SLIT2: variants seen among roughly 807,000 people sequenced by gnomAD.
The protein encoded by SLIT2 is slit guidance ligand 2, also known as slit homolog 2 protein.
SLIT2 carries 41 observed loss-of-function variants against 185.7 expected under a neutral mutation model. The ratio of observed to expected loss-of-function variants is 0.22; its 90% confidence interval spans 0.17 to 0.29. SLIT2 has a LOEUF of 0.29. SLIT2 is among the 10% of genes least tolerant of loss of function. SLIT2 has a pLI of 1.00. For synonymous variants in SLIT2, 693 were observed against 680.2 expected (o/e 1.02, Z -0.29); for missense variants, 1,571 against 1,909.0 (o/e 0.82, Z 3.30).
At chr4:20,365,864 A>G (rs1407388823) in intron 4 of SLIT2, among the ~76,000 whole-genome samples, 1 of 152,030 alleles carries the variant, frequency 6.6e-6, no homozygotes, top group Non-Finnish European at 1.5e-5. Flanking sequence ...TTATTTTCCT[A>G]TGGGATATCA....
chr4:20,307,682 A>G (rs1340452414), intron 4 of SLIT2, among the ~76,000 whole-genome samples: 1 of 152,210 alleles, frequency 6.6e-6, no homozygotes, highest in Non-Finnish European at 1.5e-5. Context: ...AGGACAGGAA[A>G]CTAGTATTTA....
At chr4:20,367,220 G>T (rs1220178168) in intron 4 of SLIT2, among the ~76,000 whole-genome samples, 1 of 152,130 alleles carries the variant, frequency 6.6e-6, no homozygotes, top group South Asian at 2.1e-4. Flanking sequence ...TCAGAAAATA[G>T]TTATTGCTTG....
At chr4:20,307,191 CTTCT>C (rs1485814310) in intron 4 of SLIT2, among the ~76,000 whole-genome samples, 6,765 of 121,304 alleles carry the variant, frequency 0.056, 403 homozygotes, top group African/African-American at 0.089. Context: ...TCCTTCCTTC[CTTCT>C]TTCCCTGACT....
chr4:20,437,648 C>T (rs187377797), intron 4 of SLIT2, among the ~76,000 whole-genome samples: 40 of 151,924 alleles, frequency 2.6e-4, no homozygotes, highest in African/African-American at 2.9e-4. Flanking sequence ...CGTGGTGGCT[C>T]ATGCCTGTAA....
intron 4 of SLIT2, among the ~76,000 whole-genome samples, chr4:20,279,205 T>A (rs1480380814): frequency 6.6e-6 from 1 of 152,234 alleles, no homozygotes; most frequent in Non-Finnish European, 1.5e-5. Context: ...AGAAATACTC[T>A]GTATTGTACT....
chr4:20,381,853 C>A (rs1041192987), intron 4 of SLIT2, among the ~76,000 whole-genome samples: 1 of 151,480 alleles, frequency 6.6e-6, no homozygotes, highest in Admixed American at 6.6e-5. Context: ...CAGAAAAATT[C>A]ATAACAAAAA....
intron 4 of SLIT2, among the ~76,000 whole-genome samples, chr4:20,331,483 G>C (rs1041161305): frequency 6.6e-6 from 1 of 151,990 alleles, no homozygotes; most frequent in African/African-American, 2.4e-5. Context: ...AAATACATTT[G>C]TTTTCAAATA....
intron 25 of SLIT2, among the ~76,000 whole-genome samples, chr4:20,553,292 A>G (rs144740851): frequency 3.3e-5 from 5 of 152,192 alleles, no homozygotes; most frequent in African/African-American, 4.8e-5. Flanking sequence ...GTTCACCATC[A>G]TCTTGTAAAT....
intron 4 of SLIT2, among the ~76,000 whole-genome samples, chr4:20,304,793 G>T (rs1430889214): frequency 6.6e-6 from 1 of 152,030 alleles, no homozygotes; most frequent in South Asian, 2.1e-4. Flanking sequence ...CATACAAAAC[G>T]CAAAAACTGC....
At position 20,619,250 on chromosome 4, in the gene SLIT2, C is replaced by T. The variant is rs1729916655; in HGVS notation, c.*241C>T. 2.7e-6 allele frequency: 1 copy of T among 373,138 alleles called. No homozygotes were observed. 23.1% of individuals were successfully genotyped at this position (373,138 alleles called of 1,614,324 possible). A position where few individuals can be genotyped will look rare whatever the true frequency, so the allele number is the denominator to read the frequency against. On this transcript the variant is annotated 3_prime_UTR_variant, in exon 37 of 37. Coordinates refer to ENST00000504154, the MANE Select transcript of SLIT2 (RefSeq NM_004787.4). ...AAAGATATACCTGGAGACATTAGAA[C>T]AGCGATGGGAACCATTGCAACTCGG...
chr4:20,421,865 C>A (rs1728197712), intron 4 of SLIT2, among the ~76,000 whole-genome samples: 1 of 152,050 alleles, frequency 6.6e-6, no homozygotes, highest in Admixed American at 6.5e-5. Context: ...CATGTGCATG[C>A]AAGATTGCTT....
At chr4:20,432,523 T>C (rs1447584563) in intron 4 of SLIT2, among the ~76,000 whole-genome samples, 1 of 39,366 alleles carries the variant, frequency 2.5e-5, no homozygotes, top group Admixed American at 2.1e-4. Flanking sequence ...ACTGTCTGCC[T>C]TTTTTTTTTT....
intron 25 of SLIT2, chr4:20,552,473 C>G (rs1723854801): frequency 1.3e-5 from 2 of 149,916 alleles, no homozygotes; most frequent in Non-Finnish European, 1.5e-5. Context: ...TGTGCCTTGT[C>G]TTTTACCCCC....
intron 4 of SLIT2, among the ~76,000 whole-genome samples, chr4:20,412,106 A>G (rs1474454078): frequency 6.6e-6 from 1 of 152,042 alleles, no homozygotes; most frequent in East Asian, 1.9e-4. Flanking sequence ...AGTTTGTGCC[A>G]TGGCCAAATG....
At chr4:20,615,412 C>A (rs1339704106) in intron 34 of SLIT2, 1 of 152,196 alleles carries the variant, frequency 6.6e-6, no homozygotes, top group Admixed American at 6.5e-5. Context: ...ATTTAGATTT[C>A]TGCACCTCTC....
intron 4 of SLIT2, among the ~76,000 whole-genome samples, chr4:20,363,054 G>A (rs549183902): frequency 5.9e-5 from 9 of 152,028 alleles, no homozygotes; most frequent in African/African-American, 2.2e-4. Context: ...GATAATCAAA[G>A]CAACCGAATA....
At chr4:20,349,474 G>A (rs941937729) in intron 4 of SLIT2, among the ~76,000 whole-genome samples, 7 of 152,000 alleles carry the variant, frequency 4.6e-5, no homozygotes, top group African/African-American at 1.7e-4. Flanking sequence ...TTATTCTAAT[G>A]GTAACCACTA....
chr4:20,445,328 T>A (rs1711642682), intron 4 of SLIT2, among the ~76,000 whole-genome samples: 3 of 152,252 alleles, frequency 2.0e-5, no homozygotes, highest in African/African-American at 7.2e-5. Flanking sequence ...TTCATTATTT[T>A]ATGAATTTGG....
chr4:20,415,355 A>G (rs984694287), intron 4 of SLIT2, among the ~76,000 whole-genome samples: 2 of 146,712 alleles, frequency 1.4e-5, no homozygotes, highest in East Asian at 2.0e-4. Context: ...AGCTTGCAGT[A>G]AGCCCAGATC....
Sources: gnomAD v4.1 joint callset for allele counts (sites outside exome capture counted in the v4.1 genomes callset) on GRCh38, gnomAD v4.1.1 for gene constraint, MANE v1.5 for transcripts, NCBI Gene and HGNC (gene_info 2026-07-23, HGNC 2026-07-21) for gene names.